Variants in CATSPERE observed in about 807,000 individuals in gnomAD.
The protein encoded by CATSPERE is catsper channel auxiliary subunit epsilon.
Under a neutral mutation model 114.1 loss-of-function variants are expected in CATSPERE, and 93 were observed. That is an observed-to-expected ratio of 0.81 (90% confidence interval 0.69 to 0.97). CATSPERE has a LOEUF of 0.97. Among genes scored for constraint, CATSPERE ranks in the 50% least tolerant of loss-of-function variants. The pLI, the probability that CATSPERE is intolerant of heterozygous loss-of-function variation, is 0.00. For synonymous variants in CATSPERE, 341 were observed against 384.1 expected (o/e 0.89, Z 1.31); for missense variants, 1,058 against 1,131.6 (o/e 0.93, Z 0.93).
At chr1:244,508,332 A>G (rs1455624413) in intron 7 of CATSPERE, among the ~76,000 whole-genome samples, 3 of 139,868 alleles carry the variant, frequency 2.1e-5, no homozygotes, top group Admixed American at 7.4e-5. Context: ...ACAGAGTCTC[A>G]CTCTGTCACC....
intron 17 of CATSPERE, among the ~76,000 whole-genome samples, chr1:244,595,301 A>G (rs1558561680): frequency 6.6e-6 from 1 of 152,186 alleles, no homozygotes; most frequent in African/African-American, 2.4e-5. Context: ...GAAACTCAAA[A>G]GATTCCAACC....
chr1:244,497,454 A>G (rs1673282596), intron 6 of CATSPERE, among the ~76,000 whole-genome samples: 1 of 152,224 alleles, frequency 6.6e-6, no homozygotes, highest in Admixed American at 6.5e-5. Flanking sequence ...GAACATATGG[A>G]AAGTTGCTCA....
chr1:244,464,267 AC>A (rs1667248717), intron 2 of CATSPERE, among the ~76,000 whole-genome samples: 1 of 152,236 alleles, frequency 6.6e-6, no homozygotes, highest in Non-Finnish European at 1.5e-5. Context: ...TAATAATTAT[AC>A]AACAGGTATA....
rs559039133 is a variant in CATSPERE at position 244,511,540 on chromosome 1, G to T, written c.430-7052G>T. Among the ~76,000 whole-genome samples the T allele has an allele frequency of 5.9e-5, 9 of 152,072 alleles. No individual in the cohort carries two copies. In the South Asian group the frequency reaches 1.7e-3, roughly 28 times the overall value. On this transcript the variant is annotated intron_variant, in intron 7 of 21. Transcript: ENST00000366534. ...TTTCTGGTTCTTTTGTATATCCTTT[G>T]TTCCTTCATTCTCTCTTATTGTTTA...
Position 244,461,309 on chromosome 1 carries a change from C to G in CATSPERE, c.-121C>G. ...TCGCTGGTCTTCAGGCCCGGCCCGC[C>G]CTGTCCAGAGGCGCCGGGACCCAGG... On this transcript the variant is annotated 5_prime_UTR_variant, in exon 1 of 22. Coordinates refer to ENST00000366534, the MANE Select transcript of CATSPERE (RefSeq NM_001130957.2). The G allele has an allele frequency of 1.2e-6, 1 of 843,202 alleles. No individual in the cohort carries two copies. The allele number at this position is 843,202 out of a possible 1,614,324, so 52.2% of individuals were successfully genotyped here.
chr1:244,461,514 A>G lies in CATSPERE; in HGVS notation c.65+20A>G. On this transcript the variant is annotated intron_variant, in intron 1 of 21. Coordinates refer to ENST00000366534, the MANE Select transcript of CATSPERE (RefSeq NM_001130957.2). The stretch of plus-strand genomic sequence containing the variant: ...TTGGAGGTAGAGAGACGCCAGTCGC[A>G]GGCGAGCGACTAGGCGGGGATTACC... The G allele has an allele frequency of 2.3e-6, 3 of 1,294,658 alleles. No homozygotes were observed. Among genetic ancestry groups the G allele is most frequent in the Non-Finnish European group, 3.0e-6 (3 of 1,011,728 alleles). The allele number at this position is 1,294,658 out of a possible 1,614,324, so 80.2% of individuals were successfully genotyped here.
At chr1:244,563,540 T>G (rs1662922692) in intron 10 of CATSPERE, among the ~76,000 whole-genome samples, 1 of 152,258 alleles carries the variant, frequency 6.6e-6, no homozygotes, top group Non-Finnish European at 1.5e-5. Flanking sequence ...TTTCCATGTT[T>G]GTTGGCTGCA....
intron 20 of CATSPERE, among the ~76,000 whole-genome samples, chr1:244,618,066 T>C (rs111772613): frequency 3.3e-5 from 5 of 152,184 alleles, no homozygotes; most frequent in Non-Finnish European, 7.3e-5. Flanking sequence ...TTTTCAAATA[T>C]AATTATTTGC....
At chr1:244,635,192 T>A (rs188689253) in intron 20 of CATSPERE, among the ~76,000 whole-genome samples, 1 of 152,338 alleles carries the variant, frequency 6.6e-6, no homozygotes, top group African/African-American at 2.4e-5. Context: ...AGCTTTTTTT[T>A]ATTTCTGCCA....
intron 12 of CATSPERE, 147 bp from the exon 13 acceptor site, chr1:244,583,717 C>T: frequency 3.2e-6 from 2 of 633,942 alleles, no homozygotes; most frequent in Non-Finnish European, 5.5e-6. Context: ...GAGCTGTTAC[C>T]AGCAGCACCA....
intron 2 of CATSPERE, among the ~76,000 whole-genome samples, chr1:244,469,120 C>T (rs1214089516): frequency 6.6e-6 from 1 of 152,172 alleles, no homozygotes; most frequent in Non-Finnish European, 1.5e-5. Context: ...GACTTGACTA[C>T]ATTTAAGTTA....
At chr1:244,503,544 C>T (rs747959848) in intron 7 of CATSPERE, among the ~76,000 whole-genome samples, 7 of 152,136 alleles carry the variant, frequency 4.6e-5, no homozygotes, top group Non-Finnish European at 2.9e-5. Context: ...ACGTTTGGCT[C>T]AGCTATTTCT....
chr1:244,491,061 C>A (rs144103334), intron 6 of CATSPERE, among the ~76,000 whole-genome samples: 1,551 of 151,938 alleles, frequency 0.01, 23 homozygotes, highest in African/African-American at 0.036. Flanking sequence ...ACAAGGATAC[C>A]CAGGAATTGA....
intron 8 of CATSPERE, among the ~76,000 whole-genome samples, chr1:244,530,254 G>T (rs1193300783): frequency 6.6e-6 from 1 of 152,076 alleles, no homozygotes; most frequent in Non-Finnish European, 1.5e-5. Context: ...CCAGCCCCCA[G>T]CACCATTTCT....
chr1:244,515,566 A>C (rs1292161557), intron 7 of CATSPERE, among the ~76,000 whole-genome samples: 1 of 152,204 alleles, frequency 6.6e-6, no homozygotes, highest in Non-Finnish European at 1.5e-5. Flanking sequence ...CCATGAGTGA[A>C]ATGAGATCAC....
intron 5 of CATSPERE, among the ~76,000 whole-genome samples, chr1:244,481,030 C>T (rs997191060): frequency 6.6e-6 from 1 of 152,112 alleles, no homozygotes; most frequent in East Asian, 1.9e-4. Context: ...GTCCCAGCTA[C>T]GCAGGAGGCT....
chr1:244,473,626 A>T (rs531657865), intron 2 of CATSPERE, among the ~76,000 whole-genome samples: 44 of 151,722 alleles, frequency 2.9e-4, no homozygotes, highest in African/African-American at 9.4e-4. Context: ...CCAATTTATC[A>T]ACCTTTTTTT....
intron 9 of CATSPERE, among the ~76,000 whole-genome samples, chr1:244,559,456 G>T (rs1183430519): frequency 6.6e-6 from 1 of 152,174 alleles, no homozygotes; most frequent in East Asian, 1.9e-4. Flanking sequence ...TGATTGTCAT[G>T]TACATAGAAA....
chr1:244,538,370 G>A (rs911356113), intron 8 of CATSPERE, among the ~76,000 whole-genome samples: 2 of 152,162 alleles, frequency 1.3e-5, no homozygotes, highest in Non-Finnish European at 2.9e-5. Context: ...ACAAAAGACA[G>A]AAAACAGAGG....
Sources: gnomAD v4.1 joint callset for allele counts (sites outside exome capture counted in the v4.1 genomes callset) on GRCh38, gnomAD v4.1.1 for gene constraint, MANE v1.5 for transcripts, NCBI Gene and HGNC (gene_info 2026-07-23, HGNC 2026-07-21) for gene names.